Variants in CFAP96 observed in about 807,000 individuals in gnomAD.
The protein encoded by CFAP96 is cilia and flagella associated protein 96.
chr4:185,438,421 T>TAGA, the CFAP96 span, among the ~76,000 whole-genome samples: 18 of 152,326 alleles, frequency 1.2e-4, no homozygotes, highest in East Asian at 1.2e-3. Flanking sequence ...TTTTGCTCTC[T>TAGA]AGAAGTTTGA....
the CFAP96 span, chr4:185,413,869 A>G: frequency 4.8e-5 from 76 of 1,597,930 alleles, no homozygotes; most frequent in South Asian, 8.5e-4. Flanking sequence ...AGATCATGTA[A>G]CTCCTAAAAT....
chr4:185,413,683 A>G, the CFAP96 span: 1 of 1,562,974 alleles, frequency 6.4e-7, no homozygotes, highest in Non-Finnish European at 8.6e-7. Flanking sequence ...AACTAATAAC[A>G]TTACTGATCC....
At chr4:185,411,171 AAG>A in the CFAP96 span, among the ~76,000 whole-genome samples, 1 of 151,794 alleles carries the variant, frequency 6.6e-6, no homozygotes, top group Non-Finnish European at 1.5e-5. Context: ...AAGAATGAAA[AAG>A]AAAATATTAT....
chr4:185,447,398 A>T, the CFAP96 span, among the ~76,000 whole-genome samples: 1,285 of 151,984 alleles, frequency 8.5e-3, 21 homozygotes, highest in South Asian at 0.04. Flanking sequence ...GCCAGGATGG[A>T]CTTGATCTCC....
chr4:185,442,344 C>T, the CFAP96 span, among the ~76,000 whole-genome samples: 1 of 151,974 alleles, frequency 6.6e-6, no homozygotes, highest in African/African-American at 2.4e-5. Flanking sequence ...CCTTCTATCT[C>T]CCTTGTAGAG....
At chr4:185,431,698 T>C in the CFAP96 span, among the ~76,000 whole-genome samples, 4 of 152,192 alleles carry the variant, frequency 2.6e-5, no homozygotes, top group African/African-American at 7.2e-5. Context: ...TAGTCTGTAG[T>C]TGGAGAAACA....
At chr4:185,418,071 C>CACACACACACACACACACACACACA in the CFAP96 span, among the ~76,000 whole-genome samples, 1 of 151,700 alleles carries the variant, frequency 6.6e-6, no homozygotes, top group African/African-American at 2.4e-5. Flanking sequence ...CACACACAAA[C>CACACACACACACACACACACACACA]AACAGAACCA....
At chr4:185,428,556 TAA>T in the CFAP96 span, among the ~76,000 whole-genome samples, 89,432 of 143,160 alleles carry the variant, frequency 0.62, 30,126 homozygotes, top group East Asian at 0.84. Context: ...TGGGACTGTC[TAA>T]AAAAAAAAAA....
At chr4:185,429,864 T>G in the CFAP96 span, among the ~76,000 whole-genome samples, 18 of 152,044 alleles carry the variant, frequency 1.2e-4, 1 homozygote, top group South Asian at 2.7e-3. Context: ...GCGGGGGAGC[T>G]CTCACTATGT....
the CFAP96 span, among the ~76,000 whole-genome samples, chr4:185,423,005 TA>T: frequency 6.6e-6 from 1 of 152,156 alleles, no homozygotes; most frequent in African/African-American, 2.4e-5. Context: ...ATTACAGGCA[TA>T]CACCACCACG....
the CFAP96 span, among the ~76,000 whole-genome samples, chr4:185,428,713 T>C: frequency 6.6e-6 from 1 of 152,342 alleles, no homozygotes; most frequent in Non-Finnish European, 1.5e-5. Flanking sequence ...TGTTAACAAA[T>C]ACTCAGAATT....
At chr4:185,416,012 G>A in the CFAP96 span, 2 of 600,266 alleles carry the variant, frequency 3.3e-6, no homozygotes, top group Non-Finnish European at 5.4e-6. Context: ...GGGGGAAAGA[G>A]TAGAGAACAA....
At chr4:185,437,150 G>A in the CFAP96 span, among the ~76,000 whole-genome samples, 2 of 152,216 alleles carry the variant, frequency 1.3e-5, no homozygotes, top group Non-Finnish European at 2.9e-5. Flanking sequence ...GGAGGTGAGA[G>A]AATGGATGAA....
At chr4:185,443,337 T>A in the CFAP96 span, among the ~76,000 whole-genome samples, 1 of 36,254 alleles carries the variant, frequency 2.8e-5, no homozygotes, top group African/African-American at 7.6e-5. Flanking sequence ...TATATATATA[T>A]ATATATTTTT....
At chr4:185,447,431 T>C in the CFAP96 span, among the ~76,000 whole-genome samples, 63 of 152,204 alleles carry the variant, frequency 4.1e-4, no homozygotes, top group East Asian at 1.2e-3. Context: ...CCACCCACCT[T>C]GGCCTCCCAA....
chr4:185,447,243 A>T, the CFAP96 span, among the ~76,000 whole-genome samples: 4 of 150,930 alleles, frequency 2.7e-5, no homozygotes, highest in Non-Finnish European at 5.9e-5. Context: ...ATGCAGTGGC[A>T]CGATCTCGGC....
At chr4:185,440,039 T>A in the CFAP96 span, among the ~76,000 whole-genome samples, 22 of 149,374 alleles carry the variant, frequency 1.5e-4, no homozygotes, top group Middle Eastern at 3.5e-3. Context: ...ATAATTTTTT[T>A]AATTATAAAA....
chr4:185,436,169 A>C, the CFAP96 span: 1 of 1,550,890 alleles, frequency 6.4e-7, no homozygotes, highest in South Asian at 1.2e-5. Flanking sequence ...CGGGAAAGAA[A>C]GGAACTGGAT....
the CFAP96 span, among the ~76,000 whole-genome samples, chr4:185,432,552 C>T: frequency 2.0e-5 from 3 of 152,056 alleles, no homozygotes; most frequent in Non-Finnish European, 2.9e-5. Flanking sequence ...GTTTTTTCTG[C>T]TGTTAAAGAA....
Sources: gnomAD v4.1 joint callset for allele counts (sites outside exome capture counted in the v4.1 genomes callset) on GRCh38, gnomAD v4.1.1 for gene constraint, MANE v1.5 for transcripts, NCBI Gene and HGNC (gene_info 2026-07-23, HGNC 2026-07-21) for gene names.